The following DPY19L4 variants were observed in gnomAD, a reference collection of about 807,000 sequenced individuals.
DPY19L4 encodes the protein dpy-19 like 4.
DPY19L4 carries 97 observed loss-of-function variants against 102.8 expected under a neutral mutation model. The ratio of observed to expected loss-of-function variants is 0.94; its 90% confidence interval spans 0.80 to 1.12. The LOEUF (loss-of-function observed/expected upper bound fraction) is 1.12, where lower values mean the gene tolerates loss of function less well. Ranked by LOEUF, DPY19L4 falls within the 50% of genes most tolerant of loss-of-function variation. The pLI is 0.00. For synonymous variants in DPY19L4, 252 were observed against 283.1 expected (o/e 0.89, Z 1.10); for missense variants, 815 against 850.4 (o/e 0.96, Z 0.52).
intron 1 of DPY19L4, among the ~76,000 whole-genome samples, chr8:94,724,749 G>A (rs7462000): frequency 0.41 from 62,345 of 151,776 alleles, 13,123 homozygotes; most frequent in Non-Finnish European, 0.45. Context: ...CACCACACCC[G>A]GCTGATTTTT....
intron 2 of DPY19L4, among the ~76,000 whole-genome samples, chr8:94,732,823 T>TTG (rs1455631735): frequency 1.3e-5 from 2 of 149,300 alleles, no homozygotes; most frequent in African/African-American, 4.9e-5. Flanking sequence ...TTTTTTTTTT[T>TTG]TTTTTGAGAC....
In DPY19L4 at chr8:94,790,190, C is replaced by T. The variant is rs2130955636; in HGVS notation, c.*280C>T. 1 of 214,484 alleles carries T rather than the reference C, an allele frequency of 4.7e-6. No homozygotes were observed. The highest frequency in any genetic ancestry group is 1.1e-4 in the East Asian group (1 of 9,466). The allele number at this position is 214,484 out of a possible 1,614,324, so 13.3% of individuals were successfully genotyped here. ...ACTTTTACTGATTGCAATATTTTCC[C>T]CATAAAATCTTCATTCTATTATAAT... On this transcript the variant is annotated 3_prime_UTR_variant, in exon 19 of 19. Coordinates refer to ENST00000414645, the MANE Select transcript of DPY19L4 (RefSeq NM_181787.3).
chr8:94,731,081 A>G (rs979197010), intron 2 of DPY19L4, among the ~76,000 whole-genome samples: 1 of 150,046 alleles, frequency 6.7e-6, no homozygotes, highest in African/African-American at 2.5e-5. Flanking sequence ...AAAAATTAGT[A>G]TTAAGGTTAG....
Position 94,791,332 on chromosome 8 carries a change from TA to T in DPY19L4, c.*1423del, listed in dbSNP as rs1813878349. ...TTCTGTTATACATGTGTTGTTAAAG[TA>T]CATGCATTCTTAGACTAACTCTCAG... On this transcript the variant is annotated 3_prime_UTR_variant, in exon 19 of 19. Coordinates refer to ENST00000414645, the MANE Select transcript of DPY19L4 (RefSeq NM_181787.3). The T allele has an allele frequency of 6.6e-6, 1 of 152,210 alleles. No individual in the cohort carries two copies. Among genetic ancestry groups the T allele is most frequent in the African/African-American group, 2.4e-5 (1 of 41,478 alleles). 9.4% of individuals were successfully genotyped at this position (152,210 alleles called of 1,614,324 possible).
Position 94,768,405 on chromosome 8 carries a change from A to G in DPY19L4, c.1186A>G (p.Met396Val), listed in dbSNP as rs1169009474. 1.9e-6 allele frequency: 3 copies of G among 1,592,986 alleles called. No individual in the cohort carries two copies. Among genetic ancestry groups the G allele is most frequent in the African/African-American group, 1.4e-5 (1 of 73,388 alleles). The change falls in exon 12 of 19, where the codon ATG (methionine) becomes GTG (valine). Residue 396 changes from methionine to valine, a missense_variant. Coordinates refer to ENST00000414645, the MANE Select transcript of DPY19L4 (RefSeq NM_181787.3). The stretch of plus-strand genomic sequence containing the variant: ...TTTTGTCTTCTATAGGAATTTTACA[A>G]TGAATTGGCTCCTCTGTCAAGAATC... ...FGLNMTKNFT[M>V]NWLLCQESLQ...
At chr8:94,762,985 G>A (rs1040023581) in intron 8 of DPY19L4, among the ~76,000 whole-genome samples, 8 of 150,036 alleles carry the variant, frequency 5.3e-5, no homozygotes, top group African/African-American at 1.5e-4. Context: ...GTCTCACTCT[G>A]TTGCCCAGGC....
rs778797252 is a variant in DPY19L4, at chr8:94,734,723, A to G, written c.221A>G (p.His74Arg). Residue 74 changes from histidine to arginine, a missense_variant, in exon 3 of 19, where the codon CAT becomes CGT. Coordinates refer to ENST00000414645, the MANE Select transcript of DPY19L4 (RefSeq NM_181787.3). Reference protein sequence around the residue: ...MMYALYLSAYHERKFWFSNRQ... With the variant: ...MMYALYLSAYRERKFWFSNRQ... Reference sequence around the variant, plus strand: ...TATGCTCTCTACTTATCAGCATACCATGAACGGAAATTCTGGTTTTCCAAC... The same window carrying G: ...TATGCTCTCTACTTATCAGCATACCGTGAACGGAAATTCTGGTTTTCCAAC... 7 of 1,613,694 alleles carry G rather than the reference A, an allele frequency of 4.3e-6. No homozygotes were observed. Among genetic ancestry groups the G allele is most frequent in the East Asian group, 2.2e-5 (1 of 44,866 alleles).
chr8:94,788,098 T>A lies in DPY19L4; in HGVS notation c.2007+46T>A, dbSNP rs761814642. ...TTATATATATGTATATATATATATT[T>A]TTTTTTTAGAAAAATGACTTTAAAC... is the stretch of plus-strand genomic sequence containing the variant. On this transcript the variant is annotated intron_variant, in intron 18 of 18. Coordinates refer to ENST00000414645, the MANE Select transcript of DPY19L4 (RefSeq NM_181787.3). The A allele has an allele frequency of 2.1e-4, 210 of 976,860 alleles. No individual in the cohort carries two copies. The East Asian group carries it at 3.0e-3, about 14-fold the overall frequency. The allele number at this position is 976,860 out of a possible 1,614,324, so 60.5% of individuals were successfully genotyped here. A position where few individuals can be genotyped will look rare whatever the true frequency, so the allele number is the denominator to read the frequency against.
At chr8:94,779,845 T>C (rs578080237) in intron 14 of DPY19L4, among the ~76,000 whole-genome samples, 4 of 152,306 alleles carry the variant, frequency 2.6e-5, no homozygotes, top group African/African-American at 9.6e-5. Flanking sequence ...GGTTTTATTA[T>C]AGCAGGATGA....
intron 6 of DPY19L4, 140 bp from the exon 7 acceptor site, chr8:94,755,896 G>A: frequency 2.5e-6 from 2 of 810,834 alleles, no homozygotes; most frequent in Non-Finnish European, 3.6e-6. Context: ...AAAAAAAAAA[G>A]GACAATGGTG....
In DPY19L4 at chr8:94,793,654, A is replaced by G. The variant is rs535180023; in HGVS notation, c.*3744A>G. 6.6e-6 allele frequency: 1 copy of G among 151,750 alleles called. No individual in the cohort carries two copies. Among genetic ancestry groups the G allele is most frequent in the Non-Finnish European group, 1.5e-5 (1 of 68,010 alleles). 9.4% of individuals were successfully genotyped at this position (151,750 alleles called of 1,614,324 possible). Reference sequence around the variant, plus strand: ...ATTATAGCTACAAAAAGTTGCAAGTAAAATTTAGCAATTTCCTATTCAAAC... The same window carrying G: ...ATTATAGCTACAAAAAGTTGCAAGTGAAATTTAGCAATTTCCTATTCAAAC... On this transcript the variant is annotated 3_prime_UTR_variant, in exon 19 of 19. Coordinates refer to ENST00000414645, the MANE Select transcript of DPY19L4 (RefSeq NM_181787.3).
intron 6 of DPY19L4, among the ~76,000 whole-genome samples, chr8:94,747,792 C>G (rs1329101511): frequency 1.3e-5 from 2 of 151,998 alleles, no homozygotes; most frequent in Admixed American, 6.6e-5. Flanking sequence ...GATCTCCTGA[C>G]CTCATGATCC....
intron 6 of DPY19L4, chr8:94,744,845 G>A (rs1047274426): frequency 5.7e-5 from 16 of 282,278 alleles, no homozygotes; most frequent in Admixed American, 8.8e-5. Flanking sequence ...AATTGACCTG[G>A]TATATTCTAC....
chr8:94,754,626 AT>A (rs1812080726), intron 6 of DPY19L4, among the ~76,000 whole-genome samples: 1 of 152,162 alleles, frequency 6.6e-6, no homozygotes, highest in African/African-American at 2.4e-5. Context: ...TAGCACCTTT[AT>A]TTTTGTGTAG....
At chr8:94,755,924 C>T (rs563899032) in intron 6 of DPY19L4, 112 bp from the exon 7 acceptor site, 2 of 1,158,282 alleles carry the variant, frequency 1.7e-6, no homozygotes. Flanking sequence ...CTATGCCTAC[C>T]TCACAGGATT....
intron 7 of DPY19L4, among the ~76,000 whole-genome samples, chr8:94,756,993 C>T (rs1159033541): frequency 6.6e-6 from 1 of 152,156 alleles, no homozygotes; most frequent in Non-Finnish European, 1.5e-5. Context: ...CCACTGCCTT[C>T]TAGCCTGGGC....
intron 7 of DPY19L4, among the ~76,000 whole-genome samples, chr8:94,760,381 C>G (rs1812349107): frequency 6.6e-6 from 1 of 152,184 alleles, no homozygotes; most frequent in Non-Finnish European, 1.5e-5. Flanking sequence ...AGAAGGCTTC[C>G]AGAACCCTTG....
chr8:94,788,766 T>C (rs1419218026), intron 18 of DPY19L4, among the ~76,000 whole-genome samples: 1 of 152,164 alleles, frequency 6.6e-6, no homozygotes, highest in Non-Finnish European at 1.5e-5. Flanking sequence ...GAGTGAGGGA[T>C]CATAAGAAAA....
At chr8:94,779,543 G>A (rs1173701679) in intron 14 of DPY19L4, among the ~76,000 whole-genome samples, 3 of 151,278 alleles carry the variant, frequency 2.0e-5, no homozygotes, top group Non-Finnish European at 2.9e-5. Flanking sequence ...TGCCCAGGCT[G>A]GTCTCAAACT....
Sources: gnomAD v4.1 joint callset for allele counts (sites outside exome capture counted in the v4.1 genomes callset) on GRCh38, gnomAD v4.1.1 for gene constraint, MANE v1.5 for transcripts, NCBI Gene and HGNC (gene_info 2026-07-23, HGNC 2026-07-21) for gene names.